The following MPND variants were observed in gnomAD, a reference collection of about 807,000 sequenced individuals.
The protein encoded by MPND is MPN domain-containing protein.
MPND carries 56 observed loss-of-function variants against 59.2 expected under a neutral mutation model. The observed-to-expected ratio is 0.95, with a 90% CI of 0.76 to 1.18. MPND has a LOEUF of 1.18. Ranked by LOEUF, MPND falls within the 50% of genes most tolerant of loss-of-function variation. The pLI is 0.00. For missense variants in MPND, 671 were observed against 676.0 expected (o/e 0.99, Z 0.08); for synonymous variants, 323 against 291.9 (o/e 1.11, Z -1.09).
chr19:4,343,979 G>C lies in MPND; in HGVS notation c.279G>C (p.Leu93=). The C allele has an allele frequency of 1.5e-6, 2 of 1,377,596 alleles. No individual in the cohort carries two copies. The highest frequency in any genetic ancestry group is 1.9e-6 in the Non-Finnish European group (2 of 1,065,110). 85.3% of individuals were successfully genotyped at this position (1,377,596 alleles called of 1,614,324 possible). A position where few individuals can be genotyped will look rare whatever the true frequency, so the allele number is the denominator to read the frequency against. ...DALLEPGAGV[L]SIYYLGKKFL... ...TGCTGGAGCCTGGCGCCGGGGTGCT[G>C]TCCATCTACTACCTGGTGAGCACCC... The change falls in exon 2 of 13, where the codon CTG becomes CTC. Residue 93 remains leucine, a synonymous_variant. Transcript: ENST00000599840.
rs1444198088 is a variant in MPND at position 4,354,134 on chromosome 19, G to A, written c.749+5G>A. The A allele has an allele frequency of 1.2e-6, 2 of 1,608,718 alleles. No homozygotes were observed. Among genetic ancestry groups the A allele is most frequent in the Non-Finnish European group, 1.7e-6 (2 of 1,175,596 alleles). On this transcript the variant is annotated splice_donor_5th_base_variant and intron_variant, in intron 5 of 12. Coordinates refer to ENST00000599840, the MANE Select transcript of MPND (RefSeq NM_001300862.2). ...GGGCAGCCGCGACTTGGCCAGGTCA[G>A]ACTCACCCCAAGTTCTGCCCCTGCC...
At chr19:4,359,289 G>A (rs891960547) in intron 12 of MPND, 34 bp downstream of exon 12, 2 of 1,561,632 alleles carry the variant, frequency 1.3e-6, no homozygotes, top group Non-Finnish European at 8.8e-7. Context: ...CTCCTAACGG[G>A]GCCCCAGGAG....
rs985533100 is a variant in MPND, at chr19:4,343,608, G to C, written c.7+8G>C. ...GAGGCGCGGCCATGGCAGGTACGGCGGGCCCAGCGGGGCGGAGGCGCGGGG... is the reference window on the plus strand; with the variant it reads ...GAGGCGCGGCCATGGCAGGTACGGCCGGCCCAGCGGGGCGGAGGCGCGGGG... On this transcript the variant is annotated splice_region_variant and intron_variant, in intron 1 of 12. Transcript: ENST00000599840. The C allele has an allele frequency of 3.1e-4, 351 of 1,124,344 alleles. 2 individuals carry two copies. The East Asian group carries it at 0.012, about 38-fold the overall frequency. The allele number at this position is 1,124,344 out of a possible 1,614,324, so 69.6% of individuals were successfully genotyped here. A position where few individuals can be genotyped will look rare whatever the true frequency, so the allele number is the denominator to read the frequency against.
rs1470925610 is a variant in MPND, at chr19:4,357,364, C to T, written c.1108C>T (p.Gln370Ter). The T allele has an allele frequency of 1.9e-6, 3 of 1,613,266 alleles. No individual in the cohort carries two copies. Among genetic ancestry groups the T allele is most frequent in the East Asian group, 4.5e-5 (2 of 44,890 alleles). ...GGACATCGACGCACAGATGGACTAC[C>T]AGCTGCGGCTGCAGGGCTCCAGCAA... ...LQDIDAQMDY[Q>*]LRLQGSSNGF... The change falls in exon 9 of 13, where the codon CAG (glutamine) becomes TAG (stop). Residue 370 changes from glutamine (Q) to a stop codon, truncating the protein, a stop_gained. Coordinates refer to ENST00000599840, the MANE Select transcript of MPND (RefSeq NM_001300862.2). LOFTEE classifies it high-confidence loss of function.
Position 4,353,000 on chromosome 19 carries a change from G to T in MPND, c.635G>T (p.Gly212Val). ...SAEDKSRRPL[G>V]KSPSEPAHPE... is the part of the protein sequence containing the mutation. ...GAGGACAAGAGTCGGAGACCACTGG[G>T]GAAGAGCCCTTCAGAGCCTGCCCAC... The change falls in exon 4 of 13, where the codon GGG (glycine) becomes GTG (valine). Residue 212 changes from glycine to valine, a missense_variant. By Grantham distance (109) the Gly-to-Val change is moderately radical (BLOSUM62 -3). Coordinates refer to ENST00000599840, the MANE Select transcript of MPND (RefSeq NM_001300862.2). 1.5e-6 allele frequency: 2 copies of T among 1,362,624 alleles called. No homozygotes were observed. Among genetic ancestry groups the T allele is most frequent in the Non-Finnish European group, 1.9e-6 (2 of 1,047,074 alleles). 84.4% of individuals were successfully genotyped at this position (1,362,624 alleles called of 1,614,324 possible).
Position 4,352,891 on chromosome 19 carries a change from C to T in MPND, c.532-6C>T, listed in dbSNP as rs1444488475. 4.4e-6 allele frequency: 6 copies of T among 1,374,896 alleles called. No individual in the cohort carries two copies. The African/African-American group carries it at 6.0e-5, about 14-fold the overall frequency. The allele number at this position is 1,374,896 out of a possible 1,614,324, so 85.2% of individuals were successfully genotyped here. A position where few individuals can be genotyped will look rare whatever the true frequency, so the allele number is the denominator to read the frequency against. The stretch of plus-strand genomic sequence containing the variant: ...CACCGCTGTCCCTGACCCCTAACCC[C>T]TGCAGAGCCCAGCCAGTGAAGGGGA... On this transcript the variant is annotated splice_region_variant and splice_polypyrimidine_tract_variant and intron_variant, in intron 3 of 12. Coordinates refer to ENST00000599840, the MANE Select transcript of MPND (RefSeq NM_001300862.2).
rs753207721 is a variant in MPND, at chr19:4,357,506, T to G, written c.1166-9T>G. ...CCCAGGGCCAACCCCTCTCCCTCTC[T>G]CCCGCCAGCCCCTTACTATTCTGGC... On this transcript the variant is annotated splice_polypyrimidine_tract_variant and intron_variant, in intron 9 of 12. Transcript: ENST00000599840. The G allele has an allele frequency of 6.2e-7, 1 of 1,612,618 alleles. No individual in the cohort carries two copies. Among genetic ancestry groups the G allele is most frequent in the Non-Finnish European group, 8.5e-7 (1 of 1,179,456 alleles).
intron 10 of MPND, 168 bp downstream of exon 10, chr19:4,357,753 T>A: frequency 1.5e-6 from 1 of 689,178 alleles, no homozygotes; most frequent in Non-Finnish European, 2.4e-6. Flanking sequence ...TTTGGTGAGG[T>A]CCTGGGCGTG....
chr19:4,357,063 A>C, intron 8 of MPND, 190 bp from the exon 9 acceptor site: 1 of 471,946 alleles, frequency 2.1e-6, no homozygotes, highest in Non-Finnish European at 3.6e-6. Flanking sequence ...TTTATATTAA[A>C]AGAGGTCCTT....
chr19:4,355,194 T>G (rs1599575892), intron 8 of MPND, 21 bp downstream of exon 8: 3 of 1,610,976 alleles, frequency 1.9e-6, no homozygotes, highest in Non-Finnish European at 2.5e-6. Context: ...ACCTGGGAGG[T>G]GGCATTCTGG....
intron 10 of MPND, chr19:4,357,846 C>G (rs1339701204): frequency 9.9e-6 from 6 of 607,212 alleles, no homozygotes; most frequent in African/African-American, 1.9e-5. Flanking sequence ...CAATCCTGCC[C>G]TGAAGTCAGA....
intron 10 of MPND, 178 bp from the exon 11 acceptor site, chr19:4,357,905 C>T: frequency 1.6e-6 from 1 of 620,966 alleles, no homozygotes; most frequent in East Asian, 2.7e-5. Flanking sequence ...CTCTGGGCCT[C>T]TCCCACAGTA....
Position 4,353,038 on chromosome 19 carries a change from C to T in MPND, c.664+9C>T, listed in dbSNP as rs755738627. ...AGAGCCTGCCCACCCGGGTGAGAGG[C>T]GTGGGGAGGGGAGGCAGGACAGGGG... On this transcript the variant is annotated intron_variant, in intron 4 of 12. Coordinates refer to ENST00000599840, the MANE Select transcript of MPND (RefSeq NM_001300862.2). The T allele has an allele frequency of 2.3e-6, 3 of 1,329,038 alleles. No individual in the cohort carries two copies. The highest frequency in any genetic ancestry group is 3.0e-5 in the Admixed American group (1 of 33,154). 82.3% of individuals were successfully genotyped at this position (1,329,038 alleles called of 1,614,324 possible).
chr19:4,345,918 C>T lies in MPND; in HGVS notation c.468C>T (p.Asp156=), dbSNP rs775081282. The T allele has an allele frequency of 6.2e-7, 1 of 1,613,800 alleles. No individual in the cohort carries two copies. The highest frequency in any genetic ancestry group is 1.7e-5 in the Admixed American group (1 of 60,020). ...ASVKYKGQKL[D]KYKATWLRLH... ...TCAAGTACAAAGGCCAGAAACTGGA[C>T]AAGTACAAGGCCACCTGGCTCCGGC... Residue 156 remains aspartate, a synonymous_variant, in exon 3 of 13, where the codon GAC becomes GAT. Transcript: ENST00000599840.
At chr19:4,357,966 C>A in intron 10 of MPND, 117 bp from the exon 11 acceptor site, 1 of 794,404 alleles carries the variant, frequency 1.3e-6, no homozygotes, top group Non-Finnish European at 2.1e-6. Flanking sequence ...GATCCCGGTG[C>A]AGAGCTGAGC....
chr19:4,353,709 G>A, intron 4 of MPND: 1 of 260,296 alleles, frequency 3.8e-6, no homozygotes, highest in Non-Finnish European at 7.6e-6. Context: ...CCACAGGTGT[G>A]CACCACCACA....
intron 4 of MPND, 98 bp from the exon 5 acceptor site, chr19:4,353,947 G>T: frequency 9.8e-7 from 1 of 1,021,168 alleles, no homozygotes; most frequent in Non-Finnish European, 1.5e-6. Flanking sequence ...TCCTGCTTCA[G>T]CACTGGGATT....
chr19:4,359,330 C>A, intron 12 of MPND, 75 bp downstream of exon 12: 1 of 1,127,454 alleles, frequency 8.9e-7, no homozygotes, highest in Non-Finnish European at 1.3e-6. Flanking sequence ...AAGGTGGCAG[C>A]AATGAGCCCC....
chr19:4,352,773 T>C (rs1028937548), intron 3 of MPND, 124 bp from the exon 4 acceptor site: 4 of 958,498 alleles, frequency 4.2e-6, no homozygotes, highest in Non-Finnish European at 5.6e-6. Context: ...TCCCTCCCTC[T>C]AGTGGTCATG....
Sources: allele counts gnomAD v4.1 joint callset, GRCh38; gene constraint gnomAD v4.1.1; transcripts MANE v1.5; gene names NCBI Gene and HGNC (gene_info 2026-07-23, HGNC 2026-07-21).